The following TRIM3 variants were observed in gnomAD, a reference collection of about 807,000 sequenced individuals.
The protein encoded by TRIM3 is tripartite motif-containing protein 3.
In TRIM3, 13 loss-of-function variants were observed where a neutral mutation model predicts 66.6. That is an observed-to-expected ratio of 0.20 (90% CI 0.13 to 0.31). The LOEUF (loss-of-function observed/expected upper bound fraction) is 0.31. Ranked by LOEUF, TRIM3 falls within the 10% of genes least tolerant of loss-of-function variation. The probability of loss-of-function intolerance (pLI) is 1.00; values close to 1 mark genes in which losing one functional copy is unlikely to be tolerated. For synonymous variants in TRIM3, 406 were observed against 411.7 expected (o/e 0.99, Z 0.17); for missense variants, 711 against 1,020.4 (o/e 0.70, Z 4.13).
Position 6,449,692 on chromosome 11 carries a change from T to G in TRIM3, c.1942-246A>C. ...TGGGAAATCAGTTCTCTTAGTTCTC[T>G]ATCTCAATGACTGGTGCCACCCAGC... is the stretch of plus-strand genomic sequence containing the variant. On this transcript the variant is annotated intron_variant, in intron 10 of 11. Transcript: ENST00000345851. This position sits in a 1 kb window ranked among gnomAD's most constrained non-coding sequence, Gnocchi z 5.3. 2.3e-6 allele frequency: 1 copy of G among 442,268 alleles called. No homozygotes were observed. 27.4% of individuals were successfully genotyped at this position (442,268 alleles called of 1,614,324 possible). A position where few individuals can be genotyped will look rare whatever the true frequency, so the allele number is the denominator to read the frequency against.
rs41275192 is a variant in TRIM3 at position 6,458,257 on chromosome 11, T to C, written c.171A>G (p.Leu57=). ...ACGTCTGCCGGCATACTGGACAGGA[T>C]AGCGTCAGGCTCTGGGCAGGGATAT... The part of the protein sequence containing the change: ...QNYIPAQSLT[L]SCPVCRQTSI... The change falls in exon 3 of 12, where the codon CTA becomes CTG. Residue 57 remains leucine (L), a synonymous_variant. Transcript: ENST00000345851. This position sits in a 1 kb window ranked among gnomAD's most constrained non-coding sequence, Gnocchi z 6.2. 39,689 of 1,614,112 alleles carry C rather than the reference T, an allele frequency of 0.025. 547 individuals carry two copies. Among genetic ancestry groups the C allele is most frequent in the Non-Finnish European group, 0.029 (33,790 of 1,179,970 alleles).
chr11:6,457,568 G>A lies in TRIM3; in HGVS notation c.516-92C>T. The A allele has an allele frequency of 1.3e-6, 2 of 1,558,212 alleles. No individual in the cohort carries two copies. The highest frequency in any genetic ancestry group is 1.7e-6 in the Non-Finnish European group (2 of 1,149,192). On this transcript the variant is annotated intron_variant, in intron 4 of 11. Coordinates refer to ENST00000345851, the MANE Select transcript of TRIM3 (RefSeq NM_033278.4). The surrounding 1 kb of genome is among the most constrained non-coding windows in gnomAD (Gnocchi z 4.5). The stretch of plus-strand genomic sequence containing the variant: ...GGGAACCTACTGCTGCCCTCATGGA[G>A]ATCTCCTTCCTGAGACCTCCCTGAG...
chr11:6,471,588 C>T (rs550812685), intron 1 of TRIM3, among the ~76,000 whole-genome samples: 46 of 152,284 alleles, frequency 3.0e-4, no homozygotes, highest in African/African-American at 1.1e-3. Context: ...GAAATAGAGA[C>T]ACAAAGCTGA....
At chr11:6,472,835 G>A (rs1850743162) in intron 1 of TRIM3, among the ~76,000 whole-genome samples, 2 of 152,230 alleles carry the variant, frequency 1.3e-5, no homozygotes, top group Non-Finnish European at 2.9e-5. Context: ...ACAAGCCCAA[G>A]GAGGCAGGGC....
chr11:6,470,202 T>C (rs913055866), intron 1 of TRIM3, among the ~76,000 whole-genome samples: 1 of 152,124 alleles, frequency 6.6e-6, no homozygotes, highest in Non-Finnish European at 1.5e-5. Context: ...GAAACTGCCT[T>C]GATTAGGAGA....
intron 2 of TRIM3, among the ~76,000 whole-genome samples, chr11:6,461,482 C>A (rs866473750): frequency 1.8e-3 from 260 of 147,502 alleles, no homozygotes; most frequent in Middle Eastern, 0.011. Flanking sequence ...CATTACCCCC[C>A]GCACCACTCT....
chr11:6,457,302 T>C lies in TRIM3; in HGVS notation c.690A>G (p.Lys230=). The C allele has an allele frequency of 6.2e-7, 1 of 1,614,074 alleles. No homozygotes were observed. Among genetic ancestry groups the C allele is most frequent in the East Asian group, 2.2e-5 (1 of 44,886 alleles). The change falls in exon 5 of 12, where the codon AAA becomes AAG. Residue 230 remains lysine (K), a synonymous_variant. Transcript: ENST00000345851. This position sits in a 1 kb window ranked among gnomAD's most constrained non-coding sequence, Gnocchi z 4.5. The stretch of plus-strand genomic sequence containing the variant: ...GGGTGAACACAAGACACACCTTCTG[T>C]TTGGCCCCACAAATGGTCTCCAGGT... ...VSDLETICGA[K]QKVLQSQLDT... is the part of the protein sequence containing the mutation.
Position 6,449,283 on chromosome 11 carries a change from T to A in TRIM3, c.2082+23A>T, listed in dbSNP as rs1287858763. 3.1e-6 allele frequency: 5 copies of A among 1,611,732 alleles called. No homozygotes were observed. The highest frequency in any genetic ancestry group is 3.3e-4 in the Middle Eastern group (2 of 6,070). On this transcript the variant is annotated intron_variant, in intron 11 of 11. Coordinates refer to ENST00000345851, the MANE Select transcript of TRIM3 (RefSeq NM_033278.4). The surrounding 1 kb of genome is among the most constrained non-coding windows in gnomAD (Gnocchi z 5.3). ...GACACACCAGGAAACCGCCCCCTCA[T>A]GTCATTCCCAGGCCTTACTCACCTG...
intron 1 of TRIM3, among the ~76,000 whole-genome samples, chr11:6,466,619 G>A (rs1171241769): frequency 7.2e-6 from 1 of 139,216 alleles, no homozygotes; most frequent in East Asian, 2.0e-4. Context: ...TCCAGTTCCT[G>A]GAAAATTCCT....
Position 6,465,761 on chromosome 11 carries a change from A to T in TRIM3, c.-37-29T>A, listed in dbSNP as rs997308305. On this transcript the variant is annotated intron_variant, in intron 1 of 11. Transcript: ENST00000345851. Reference sequence around the variant, plus strand: ...TATGGAGAGATGGTCAGCACCAGGGAGTCCAGAACTTCTTCTCCCCACCCA... The same window carrying T: ...TATGGAGAGATGGTCAGCACCAGGGTGTCCAGAACTTCTTCTCCCCACCCA... The T allele has an allele frequency of 3.8e-6, 6 of 1,593,090 alleles. No individual in the cohort carries two copies. The African/African-American group carries it at 8.0e-5, about 21-fold the overall frequency.
At chr11:6,453,352 T>C (rs1005225841) in intron 7 of TRIM3, 5 of 152,224 alleles carry the variant, frequency 3.3e-5, no homozygotes, top group African/African-American at 1.2e-4. Context: ...TTTGACGATT[T>C]AGCAAAATCT....
At chr11:6,460,133 T>C (rs984476640) in intron 2 of TRIM3, among the ~76,000 whole-genome samples, 4 of 152,204 alleles carry the variant, frequency 2.6e-5, no homozygotes, top group African/African-American at 9.6e-5. Flanking sequence ...GGCAGAAAAC[T>C]GAGTGGTACA....
intron 1 of TRIM3, among the ~76,000 whole-genome samples, chr11:6,468,520 G>GAACCCAGAGAAATGGTAGGAA (rs1554958692): frequency 1.1e-4 from 17 of 152,292 alleles, no homozygotes; most frequent in African/African-American, 4.1e-4. Flanking sequence ...CTGAGAAAGA[G>GAACCCAGAGAAATGGTAGGAA]AACCCAGAGA....
chr11:6,454,251 T>C (rs1849869328), intron 7 of TRIM3, among the ~76,000 whole-genome samples: 1 of 151,704 alleles, frequency 6.6e-6, no homozygotes, highest in Admixed American at 6.6e-5. Flanking sequence ...ATTAGCCAGG[T>C]ATAGTGGCAT....
chr11:6,472,788 C>T (rs547893884), intron 1 of TRIM3, among the ~76,000 whole-genome samples: 151 of 152,340 alleles, frequency 9.9e-4, no homozygotes, highest in Non-Finnish European at 1.8e-3. Context: ...AGCTTTTCCA[C>T]AGCAGAAAGT....
chr11:6,466,529 C>T (rs1850476446), intron 1 of TRIM3, among the ~76,000 whole-genome samples: 1 of 151,408 alleles, frequency 6.6e-6, no homozygotes, highest in Non-Finnish European at 1.5e-5. Context: ...TGAGGCTTAA[C>T]TTTGCCCCAT....
At chr11:6,453,912 A>T (rs1245523173) in intron 7 of TRIM3, among the ~76,000 whole-genome samples, 2 of 152,108 alleles carry the variant, frequency 1.3e-5, no homozygotes, top group African/African-American at 4.8e-5. Context: ...AGCCCTAAGG[A>T]CTCCAGAGTA....
intron 7 of TRIM3, among the ~76,000 whole-genome samples, chr11:6,453,784 C>T (rs1849840710): frequency 6.6e-6 from 1 of 152,168 alleles, no homozygotes; most frequent in Non-Finnish European, 1.5e-5. Flanking sequence ...TGAGGTCTGC[C>T]TCATCCTCCA....
At chr11:6,463,752 T>C (rs550727346) in intron 2 of TRIM3, among the ~76,000 whole-genome samples, 1 of 152,130 alleles carries the variant, frequency 6.6e-6, no homozygotes, top group Admixed American at 6.5e-5. Context: ...GATTATAAGA[T>C]TCAGGGCATG....
Sources: allele counts gnomAD v4.1 joint callset (sites outside exome capture counted in the v4.1 genomes callset), GRCh38; gene constraint gnomAD v4.1.1; non-coding constraint Gnocchi (gnomAD v3.1); transcripts MANE v1.5; gene names NCBI Gene and HGNC (gene_info 2026-07-23, HGNC 2026-07-21).